Variants in BMPER observed in about 807,000 individuals in gnomAD.
BMPER encodes the protein BMP-binding endothelial regulator protein.
In BMPER, 45 loss-of-function variants were observed where a neutral mutation model predicts 87.3. The observed-to-expected ratio is 0.52, with a 90% CI of 0.41 to 0.66. BMPER has a LOEUF of 0.66. Ranked by LOEUF, BMPER falls within the 30% of genes least tolerant of loss-of-function variation. BMPER has a pLI of 0.00. For synonymous variants in BMPER, 326 were observed against 316.2 expected (o/e 1.03, Z -0.33); for missense variants, 784 against 867.5 (o/e 0.90, Z 1.21).
At chr7:34,061,747 C>A (rs1395036418) in intron 10 of BMPER, among the ~76,000 whole-genome samples, 2 of 152,204 alleles carry the variant, frequency 1.3e-5, no homozygotes, top group Non-Finnish European at 2.9e-5. Context: ...CACTAGTGAG[C>A]CCTTTAGGTA....
At chr7:34,049,816 T>G (rs771796338) in intron 7 of BMPER, among the ~76,000 whole-genome samples, 2 of 152,220 alleles carry the variant, frequency 1.3e-5, no homozygotes, top group Non-Finnish European at 2.9e-5. Context: ...GACAGAAATA[T>G]ATCTCTGATG....
chr7:34,007,405 A>G (rs1786763659), intron 6 of BMPER, among the ~76,000 whole-genome samples: 1 of 152,008 alleles, frequency 6.6e-6, no homozygotes, highest in African/African-American at 2.4e-5. Flanking sequence ...ACAGGCTTCT[A>G]CTCACCAGTA....
rs1428145038 is a variant in BMPER at position 34,155,778 on chromosome 7, T to C, written c.*2505T>C. 6.6e-6 allele frequency: 1 copy of C among 152,206 alleles called. No homozygotes were observed. The highest frequency in any genetic ancestry group is 2.1e-4 in the South Asian group (1 of 4,832). 9.4% of individuals were successfully genotyped at this position (152,206 alleles called of 1,614,324 possible). On this transcript the variant is annotated 3_prime_UTR_variant, in exon 15 of 15. Transcript: ENST00000649409. ...TTACCAAGTGCTTCAATGAGAGCAG[T>C]CCTGTTTCATTCACATGGGATGTTT...
upstream of BMPER, chr7:33,905,438 T>TCCCCCCCCCCCCCCCCCCCC: frequency 1.3e-4 from 3 of 23,002 alleles, no homozygotes; most frequent in South Asian, 4.7e-4. Context: ...CCTTGGTCTC[T>TCCCCCCCCCCCCCCCCCCCC]CCCCCCGCCC....
intron 2 of BMPER, among the ~76,000 whole-genome samples, chr7:33,909,691 A>AG (rs1465249175): frequency 5.1e-5 from 7 of 138,204 alleles, no homozygotes; most frequent in African/African-American, 8.0e-5. Context: ...AAAAAAAAAA[A>AG]AAAAAGAAAG....
chr7:33,990,632 G>T (rs1786182269), intron 6 of BMPER, among the ~76,000 whole-genome samples: 1 of 151,274 alleles, frequency 6.6e-6, no homozygotes, highest in South Asian at 2.1e-4. Context: ...AATTGCCCTG[G>T]CCAGAACTTC....
intron 3 of BMPER, among the ~76,000 whole-genome samples, chr7:33,945,030 C>T (rs1033948765): frequency 6.6e-6 from 1 of 152,080 alleles, no homozygotes; most frequent in Non-Finnish European, 1.5e-5. Flanking sequence ...CAAGCTCCAC[C>T]TCCTGGGTTC....
At chr7:34,110,348 G>T (rs762167327) in intron 13 of BMPER, among the ~76,000 whole-genome samples, 2 of 152,164 alleles carry the variant, frequency 1.3e-5, no homozygotes, top group Non-Finnish European at 2.9e-5. Flanking sequence ...TTTGTTGAAG[G>T]TGAGGGTACG....
intron 6 of BMPER, among the ~76,000 whole-genome samples, chr7:33,976,674 G>A (rs1214862525): frequency 6.6e-6 from 1 of 152,062 alleles, no homozygotes; most frequent in Non-Finnish European, 1.5e-5. Context: ...TCCAGGTAAA[G>A]GTGTGCCAAG....
intron 6 of BMPER, among the ~76,000 whole-genome samples, chr7:33,976,508 A>G (rs922190837): frequency 6.6e-6 from 1 of 152,202 alleles, no homozygotes; most frequent in African/African-American, 2.4e-5. Flanking sequence ...GCCATTAAAT[A>G]TTACCCATTT....
At position 34,143,344 on chromosome 7, in the gene BMPER, T is replaced by C; in HGVS notation, c.1860T>C (p.Pro620=). 2 of 1,613,948 alleles carry C rather than the reference T, an allele frequency of 1.2e-6. No homozygotes were observed. Among genetic ancestry groups the C allele is most frequent in the Non-Finnish European group, 1.7e-6 (2 of 1,179,912 alleles). ...QREGIKVHWE[P]QQNCAATQCK... The stretch of plus-strand genomic sequence containing the variant: ...AGGGCATCAAAGTCCACTGGGAGCC[T>C]CAGCAGAATTGTGCAGGTAAGAAAG... Residue 620 remains proline, a synonymous_variant, in exon 14 of 15, where the codon CCT becomes CCC. Coordinates refer to ENST00000649409, the MANE Select transcript of BMPER (RefSeq NM_001365308.1).
chr7:33,940,521 C>T (rs539439722), intron 3 of BMPER, among the ~76,000 whole-genome samples: 11 of 152,174 alleles, frequency 7.2e-5, no homozygotes, highest in Admixed American at 6.5e-4. Flanking sequence ...GGTTTGGCCT[C>T]CCAAGGAATC....
chr7:33,963,765 C>T (rs1469803119), intron 3 of BMPER, among the ~76,000 whole-genome samples: 1 of 152,082 alleles, frequency 6.6e-6, no homozygotes, highest in Non-Finnish European at 1.5e-5. Context: ...TGCACTCTAG[C>T]CTGGGAGACA....
At chr7:34,108,567 G>A (rs1789883784) in intron 13 of BMPER, among the ~76,000 whole-genome samples, 1 of 152,148 alleles carries the variant, frequency 6.6e-6, no homozygotes, top group African/African-American at 2.4e-5. Flanking sequence ...CTTATTTAAG[G>A]GTGGATGTTC....
At chr7:34,145,008 A>G (rs1263004006) in intron 14 of BMPER, among the ~76,000 whole-genome samples, 1 of 152,196 alleles carries the variant, frequency 6.6e-6, no homozygotes, top group African/African-American at 2.4e-5. Context: ...GTTCACTTAG[A>G]CCTGTGAGTT....
intron 4 of BMPER, among the ~76,000 whole-genome samples, chr7:33,968,469 T>C (rs1486734460): frequency 6.6e-6 from 1 of 152,206 alleles, no homozygotes. Flanking sequence ...TCTCTTTGCA[T>C]GCTCTTCTTT....
rs200160210 is a variant in BMPER at position 34,086,042 on chromosome 7, C to T, written c.1695C>T (p.Ser565=). ...ATCGAGAATGCCAAAAGCTCAAATC[C>T]TGGGAGTTTCAGACCTGCCACTCGA... The part of the protein sequence containing the change: ...RAHRECQKLK[S]WEFQTCHSTV... The change falls in exon 13 of 15, where the codon TCC becomes TCT. Residue 565 remains serine, a synonymous_variant. Transcript: ENST00000649409. 2 of 1,614,014 alleles carry T rather than the reference C, an allele frequency of 1.2e-6. No individual in the cohort carries two copies. Among genetic ancestry groups the T allele is most frequent in the Admixed American group, 3.3e-5 (2 of 60,020 alleles).
chr7:34,084,994 CAAG>C (rs908607299), intron 12 of BMPER, among the ~76,000 whole-genome samples: 8 of 152,190 alleles, frequency 5.3e-5, no homozygotes, highest in Non-Finnish European at 8.8e-5. Context: ...GATGTATGCA[CAAG>C]AAGAACTCTT....
At chr7:33,997,000 A>C (rs1024183206) in intron 6 of BMPER, among the ~76,000 whole-genome samples, 5 of 152,110 alleles carry the variant, frequency 3.3e-5, no homozygotes, top group African/African-American at 4.8e-5. Context: ...AGTGTAACCT[A>C]TCTTGGGGGA....
Sources: allele counts gnomAD v4.1 joint callset (sites outside exome capture counted in the v4.1 genomes callset), GRCh38; gene constraint gnomAD v4.1.1; transcripts MANE v1.5; gene names NCBI Gene and HGNC (gene_info 2026-07-23, HGNC 2026-07-21).